Variants in ECHDC1 observed in about 807,000 individuals in gnomAD.
ECHDC1 encodes the protein ethylmalonyl-CoA decarboxylase 1.
ECHDC1 carries 29 observed loss-of-function variants against 29.7 expected under a neutral mutation model. That is an observed-to-expected ratio of 0.98 (90% CI 0.73 to 1.33). The LOEUF (loss-of-function observed/expected upper bound fraction) is 1.33, where lower values mean the gene tolerates loss of function less well. ECHDC1 is among the 40% of genes most tolerant of loss of function. The probability of loss-of-function intolerance (pLI) is 0.00; values close to 1 mark genes in which losing one functional copy is unlikely to be tolerated. For missense variants in ECHDC1, 328 were observed against 350.0 expected (o/e 0.94, Z 0.50); for synonymous variants, 126 against 123.1 (o/e 1.02, Z -0.15).
At chr6:127,331,999 T>A (rs1784000871) in intron 1 of ECHDC1, 1 of 355,414 alleles carries the variant, frequency 2.8e-6, no homozygotes, top group South Asian at 1.2e-4. Context: ...TCTTGCCCTA[T>A]GTAAACATCC....
chr6:127,318,323 C>T (rs1020860261), intron 3 of ECHDC1, among the ~76,000 whole-genome samples: 1 of 152,150 alleles, frequency 6.6e-6, no homozygotes, highest in East Asian at 1.9e-4. Context: ...TAATATTTTT[C>T]CATCAAGATT....
chr6:127,308,266 G>A (rs1268569282), intron 5 of ECHDC1, among the ~76,000 whole-genome samples: 1 of 152,020 alleles, frequency 6.6e-6, no homozygotes, highest in East Asian at 1.9e-4. Context: ...CTAGCAAACT[G>A]AATTCAACAA....
In ECHDC1 at chr6:127,314,489, C is replaced by T. The variant is rs532135928; in HGVS notation, c.497+327G>A. Among the ~76,000 whole-genome samples the T allele has an allele frequency of 3.9e-4, 60 of 152,032 alleles. 2 individuals are homozygous for T. Among genetic ancestry groups the T allele is most frequent in the South Asian group, 3.9e-3 (19 of 4,822 alleles). On this transcript the variant is annotated intron_variant, in intron 5 of 5. Transcript: ENST00000454859. ...ATTTTTCTTTTTTAATGTTGCTTAC[C>T]TTTGTTTGTATAATTCTTTTGGATT...
intron 1 of ECHDC1, among the ~76,000 whole-genome samples, chr6:127,334,031 C>T (rs1784208155): frequency 6.6e-6 from 1 of 152,070 alleles, no homozygotes; most frequent in Admixed American, 6.6e-5. Context: ...ATTTATTTGC[C>T]TTTTTATTAA....
chr6:127,342,058 A>G (rs906186423), intron 1 of ECHDC1, among the ~76,000 whole-genome samples: 2 of 152,236 alleles, frequency 1.3e-5, no homozygotes, highest in South Asian at 2.1e-4. Context: ...AAGCTTTCGC[A>G]TATGCGATCT....
intron 5 of ECHDC1, among the ~76,000 whole-genome samples, chr6:127,297,178 A>C (rs753320079): frequency 1.8e-4 from 27 of 152,224 alleles, no homozygotes; most frequent in Non-Finnish European, 3.5e-4. Flanking sequence ...TTATGGAAGA[A>C]AATTAGGCAA....
At chr6:127,296,737 C>T (rs1022011371) in intron 5 of ECHDC1, among the ~76,000 whole-genome samples, 4 of 152,018 alleles carry the variant, frequency 2.6e-5, no homozygotes, top group African/African-American at 7.3e-5. Flanking sequence ...ATGGGCTGTG[C>T]GCAGTGGCTC....
At chr6:127,302,929 T>C (rs554662010) in intron 5 of ECHDC1, among the ~76,000 whole-genome samples, 4 of 152,310 alleles carry the variant, frequency 2.6e-5, no homozygotes, top group African/African-American at 4.8e-5. Flanking sequence ...TCTGCACTGA[T>C]GACAGCAGAG....
intron 5 of ECHDC1, among the ~76,000 whole-genome samples, chr6:127,305,970 T>C (rs1781406137): frequency 6.9e-6 from 1 of 144,598 alleles, no homozygotes; most frequent in Non-Finnish European, 1.5e-5. Flanking sequence ...TGAATGTACA[T>C]GGACTAAACT....
chr6:127,337,126 CAAG>C (rs1163766385), intron 1 of ECHDC1, among the ~76,000 whole-genome samples: 1 of 152,150 alleles, frequency 6.6e-6, no homozygotes, highest in Non-Finnish European at 1.5e-5. Context: ...CATTCTAAGA[CAAG>C]AAGAAAATAT....
At chr6:127,306,357 A>T (rs1781438072) in intron 5 of ECHDC1, among the ~76,000 whole-genome samples, 1 of 152,060 alleles carries the variant, frequency 6.6e-6, no homozygotes, top group African/African-American at 2.4e-5. Context: ...ATAGCTAGAG[A>T]CTTCAACACC....
chr6:127,295,174 C>T (rs187688888), intron 5 of ECHDC1, among the ~76,000 whole-genome samples: 2 of 152,150 alleles, frequency 1.3e-5, no homozygotes, highest in African/African-American at 4.8e-5. Context: ...GTCTTGAACT[C>T]CTTACATCAG....
chr6:127,322,538 A>T (rs1204315337), intron 3 of ECHDC1, among the ~76,000 whole-genome samples: 1 of 152,072 alleles, frequency 6.6e-6, no homozygotes, highest in Non-Finnish European at 1.5e-5. Flanking sequence ...GAAAGAATGA[A>T]CTTTACTAAG....
intron 1 of ECHDC1, 191 bp downstream of exon 1, chr6:127,343,145 C>T (rs2114729165): frequency 6.6e-6 from 1 of 152,270 alleles, no homozygotes; most frequent in South Asian, 2.1e-4. Context: ...CTCGGCACCG[C>T]GTCTCCACGT....
intron 1 of ECHDC1, chr6:127,331,813 C>A: frequency 1.0e-6 from 1 of 984,990 alleles, no homozygotes; most frequent in African/African-American, 1.7e-5. Flanking sequence ...AAGTTTTATT[C>A]TTAGCATTAT....
At chr6:127,299,118 T>G (rs757751710) in intron 5 of ECHDC1, among the ~76,000 whole-genome samples, 4 of 152,116 alleles carry the variant, frequency 2.6e-5, no homozygotes, top group Non-Finnish European at 4.4e-5. Flanking sequence ...CCTCCTGCCT[T>G]GGCCTTCCAA....
At chr6:127,342,357 C>T in intron 1 of ECHDC1, 1 of 1,548,288 alleles carries the variant, frequency 6.5e-7, no homozygotes, top group Non-Finnish European at 8.7e-7. Context: ...ACAACTCACC[C>T]TGTTTCAATG....
chr6:127,338,941 G>T (rs1784673680), intron 1 of ECHDC1, among the ~76,000 whole-genome samples: 2 of 152,068 alleles, frequency 1.3e-5, no homozygotes, highest in South Asian at 4.1e-4. Flanking sequence ...TTCTTTTGTT[G>T]TTGTTCTTTA....
chr6:127,306,258 C>T (rs909566386), intron 5 of ECHDC1, among the ~76,000 whole-genome samples: 9 of 152,066 alleles, frequency 5.9e-5, no homozygotes, highest in African/African-American at 1.7e-4. Flanking sequence ...GAGGATATGA[C>T]AATTTTTATG....
Sources: allele counts gnomAD v4.1 joint callset (sites outside exome capture counted in the v4.1 genomes callset), GRCh38; gene constraint gnomAD v4.1.1; transcripts MANE v1.5; gene names NCBI Gene and HGNC (gene_info 2026-07-23, HGNC 2026-07-21).